Variants in LAMA3 observed in about 807,000 individuals in gnomAD.
The protein encoded by LAMA3 is laminin subunit alpha-3.
LAMA3 carries 281 observed loss-of-function variants against 402.0 expected under a neutral mutation model. The observed-to-expected ratio is 0.70, with a 90% confidence interval of 0.63 to 0.77. LAMA3 has a LOEUF of 0.77. Ranked by LOEUF, LAMA3 falls within the 30% of genes least tolerant of loss-of-function variation. The probability of loss-of-function intolerance (pLI) is 0.00; values close to 1 mark genes in which losing one functional copy is unlikely to be tolerated. For missense variants in LAMA3, 3,840 were observed against 4,215.5 expected (o/e 0.91, Z 2.47); for synonymous variants, 1,431 against 1,558.4 (o/e 0.92, Z 1.93).
chr18:23,946,005 GA>G lies in LAMA3; in HGVS notation c.9211-133del, dbSNP rs1318484282. 2.2e-5 allele frequency: 18 copies of G among 833,594 alleles called. No individual in the cohort carries two copies. The South Asian group carries it at 2.5e-4, about 12-fold the overall frequency. 51.6% of individuals were successfully genotyped at this position (833,594 alleles called of 1,614,324 possible). A position where few individuals can be genotyped will look rare whatever the true frequency, so the allele number is the denominator to read the frequency against. ...ACGATGGTGATAGTGATAACCGGAGGAAAAAATCTCTCATCTTTTGAAGCTA... is the reference window on the plus strand; with the variant it reads ...ACGATGGTGATAGTGATAACCGGAGGAAAAATCTCTCATCTTTTGAAGCTA... On this transcript the variant is annotated intron_variant, in intron 69 of 74. Coordinates refer to ENST00000313654, the MANE Select transcript of LAMA3 (RefSeq NM_198129.4).
intron 41 of LAMA3, among the ~76,000 whole-genome samples, chr18:23,887,402 C>T (rs1241597628): frequency 6.6e-6 from 1 of 152,130 alleles, no homozygotes; most frequent in Non-Finnish European, 1.5e-5. Context: ...CTTTATGGCT[C>T]TTCACAAACA....
chr18:23,744,710 T>C (rs2061619556), intron 2 of LAMA3, among the ~76,000 whole-genome samples: 1 of 151,440 alleles, frequency 6.6e-6, no homozygotes, highest in African/African-American at 2.4e-5. Flanking sequence ...CAGGTGCCTG[T>C]GGTCCCAGCT....
chr18:23,900,549 T>C (rs1181346194), intron 47 of LAMA3, among the ~76,000 whole-genome samples: 1 of 152,206 alleles, frequency 6.6e-6, no homozygotes, highest in East Asian at 1.9e-4. Flanking sequence ...AAAAAGGATA[T>C]ACTAGAAATT....
At chr18:23,908,911 A>G (rs752574532) in intron 54 of LAMA3, among the ~76,000 whole-genome samples, 4 of 152,184 alleles carry the variant, frequency 2.6e-5, no homozygotes, top group African/African-American at 4.8e-5. Flanking sequence ...AAACTTATGA[A>G]TTGCTTATTT....
chr18:23,887,483 T>G (rs2065110865), intron 41 of LAMA3, among the ~76,000 whole-genome samples: 1 of 152,178 alleles, frequency 6.6e-6, no homozygotes, highest in Admixed American at 6.5e-5. Flanking sequence ...TTAACAGTAC[T>G]TCTCTCAGCT....
chr18:23,871,152 G>C (rs1474619967), intron 37 of LAMA3, among the ~76,000 whole-genome samples: 2 of 152,096 alleles, frequency 1.3e-5, no homozygotes, highest in Non-Finnish European at 2.9e-5. Flanking sequence ...ACAAACAAAA[G>C]CACATTTAAA....
chr18:23,912,690 C>T (rs1461063284), intron 55 of LAMA3, 21 bp from the exon 56 acceptor site: 2 of 1,609,838 alleles, frequency 1.2e-6, no homozygotes, highest in Admixed American at 1.7e-5. Flanking sequence ...TGTTTGACAC[C>T]ATGTAACTTA....
At chr18:23,816,779 GT>G (rs1389196559) in intron 18 of LAMA3, among the ~76,000 whole-genome samples, 3 of 152,194 alleles carry the variant, frequency 2.0e-5, no homozygotes, top group African/African-American at 7.2e-5. Context: ...CATGAAGTGG[GT>G]TCTCAGGGCT....
chr18:23,928,579 A>C (rs1405821248), intron 63 of LAMA3, 46 bp from the exon 64 acceptor site: 1 of 1,599,326 alleles, frequency 6.3e-7, no homozygotes. Flanking sequence ...ATTTCAGCCA[A>C]GAAATGATTA....
In LAMA3 at chr18:23,932,295, G is replaced by T. The variant is rs200417639; in HGVS notation, c.8708+4G>T. 1.4e-5 allele frequency: 23 copies of T among 1,613,610 alleles called. No individual in the cohort carries two copies. Among genetic ancestry groups the T allele is most frequent in the Non-Finnish European group, 1.9e-5 (22 of 1,179,718 alleles). On this transcript the variant is annotated splice_donor_region_variant and intron_variant, in intron 66 of 74. Coordinates refer to ENST00000313654, the MANE Select transcript of LAMA3 (RefSeq NM_198129.4). ...TTAGCAATGTTTTTGTCCAGAGGTAGGTGATCCTCTCTTTGTGGGTAACTG... is the reference window on the plus strand; with the variant it reads ...TTAGCAATGTTTTTGTCCAGAGGTATGTGATCCTCTCTTTGTGGGTAACTG...
chr18:23,830,951 A>G (rs921665237), intron 23 of LAMA3, among the ~76,000 whole-genome samples: 3 of 152,146 alleles, frequency 2.0e-5, no homozygotes, highest in African/African-American at 7.2e-5. Context: ...GGTATTCCCT[A>G]CCTAAATTAA....
intron 59 of LAMA3, 127 bp downstream of exon 59, chr18:23,915,549 TC>T: frequency 1.2e-6 from 1 of 849,278 alleles, no homozygotes; most frequent in South Asian, 1.4e-5. Context: ...GGCCAGTAGT[TC>T]TTCAAGTATG....
At chr18:23,824,132 C>T (rs2063336783) in intron 20 of LAMA3, among the ~76,000 whole-genome samples, 1 of 152,162 alleles carries the variant, frequency 6.6e-6, no homozygotes, top group Non-Finnish European at 1.5e-5. Flanking sequence ...ATATGCAAGG[C>T]ACTTTCCTAA....
At chr18:23,717,680 A>G (rs934623008) in intron 2 of LAMA3, among the ~76,000 whole-genome samples, 2 of 146,552 alleles carry the variant, frequency 1.4e-5, no homozygotes, top group Admixed American at 6.8e-5. Flanking sequence ...AGCCTCCCAA[A>G]TAGCTGGGAT....
intron 47 of LAMA3, 81 bp from the exon 48 acceptor site, chr18:23,901,046 C>T (rs1234929234): frequency 6.3e-6 from 8 of 1,263,244 alleles, no homozygotes; most frequent in East Asian, 2.4e-5. Flanking sequence ...AGTAGAAACT[C>T]GATTCTCCCT....
chr18:23,842,609 A>C lies in LAMA3; in HGVS notation c.3464-2A>C. On this transcript the variant is annotated splice_acceptor_variant, in intron 28 of 74. Coordinates refer to ENST00000313654, the MANE Select transcript of LAMA3 (RefSeq NM_198129.4). LOFTEE classifies it high-confidence loss of function. ...CAGAAAGTCTCTCTCTCTCTCTGCC[A>C]GGCTCCTTCCATGCCTCTTTTTGCC... 1 of 1,614,186 alleles carries C rather than the reference A, an allele frequency of 6.2e-7. No homozygotes were observed. Among genetic ancestry groups the C allele is most frequent in the Non-Finnish European group, 8.5e-7 (1 of 1,180,046 alleles).
intron 1 of LAMA3, among the ~76,000 whole-genome samples, chr18:23,690,292 C>T (rs995378400): frequency 6.6e-6 from 1 of 152,232 alleles, no homozygotes; most frequent in African/African-American, 2.4e-5. Flanking sequence ...CCCTTCCCGC[C>T]TCCGTCACCC....
intron 24 of LAMA3, 96 bp downstream of exon 24, chr18:23,834,084 C>A: frequency 7.2e-7 from 1 of 1,396,712 alleles, no homozygotes; most frequent in Non-Finnish European, 1.0e-6. Context: ...AGGTTATTTT[C>A]TTTTTGAGGC....
intron 8 of LAMA3, among the ~76,000 whole-genome samples, chr18:23,765,152 T>C (rs565713147): frequency 3.3e-5 from 5 of 152,320 alleles, no homozygotes; most frequent in African/African-American, 1.2e-4. Flanking sequence ...GTTGGTCCCA[T>C]GTGGTCTGGC....
Sources: gnomAD v4.1 joint callset for allele counts (sites outside exome capture counted in the v4.1 genomes callset) on GRCh38, gnomAD v4.1.1 for gene constraint, MANE v1.5 for transcripts, NCBI Gene and HGNC (gene_info 2026-07-23, HGNC 2026-07-21) for gene names.